DSCAM: variants seen among roughly 807,000 people sequenced by gnomAD.
The protein encoded by DSCAM is DS cell adhesion molecule.
In DSCAM, 47 loss-of-function variants were observed where a neutral mutation model predicts 217.7. That is an observed-to-expected ratio of 0.22 (90% CI 0.17 to 0.28). The LOEUF (loss-of-function observed/expected upper bound fraction) is 0.28, where lower values mean the gene tolerates loss of function less well. Among genes scored for constraint, DSCAM ranks in the 10% least tolerant of loss-of-function variants. The probability of loss-of-function intolerance (pLI) is 1.00; values close to 1 mark genes in which losing one functional copy is unlikely to be tolerated. For synonymous variants in DSCAM, 1,056 were observed against 1,015.3 expected (o/e 1.04, Z -0.76); for missense variants, 2,080 against 2,618.3 (o/e 0.79, Z 4.49).
chr21:40,344,898 T>A (rs944849221), intron 6 of DSCAM, among the ~76,000 whole-genome samples: 6 of 152,206 alleles, frequency 3.9e-5, no homozygotes, highest in African/African-American at 1.4e-4. Flanking sequence ...TCTAGTCATA[T>A]GTGTGTGTCA....
chr21:40,791,687 T>C (rs1051329997), intron 1 of DSCAM, among the ~76,000 whole-genome samples: 5 of 152,024 alleles, frequency 3.3e-5, no homozygotes, highest in African/African-American at 7.2e-5. Context: ...TTTTAAAAGA[T>C]GTCATTATAG....
intron 3 of DSCAM, among the ~76,000 whole-genome samples, chr21:40,573,990 C>G (rs1014906708): frequency 1.4e-5 from 2 of 141,426 alleles, no homozygotes; most frequent in African/African-American, 2.9e-5. Flanking sequence ...TAATCAGAAG[C>G]CTTCCCATAA....
At chr21:40,471,282 C>T (rs2075886197) in intron 3 of DSCAM, among the ~76,000 whole-genome samples, 1 of 152,146 alleles carries the variant, frequency 6.6e-6, no homozygotes. Flanking sequence ...TCTAAGAAAC[C>T]ACATTAGGGA....
chr21:40,477,527 T>G (rs945879662), intron 3 of DSCAM, among the ~76,000 whole-genome samples: 4 of 152,210 alleles, frequency 2.6e-5, no homozygotes, highest in African/African-American at 9.6e-5. Context: ...TTCCACCATA[T>G]GTACTTACAT....
At chr21:40,322,819 C>T (rs1246994048) in intron 8 of DSCAM, among the ~76,000 whole-genome samples, 1 of 152,170 alleles carries the variant, frequency 6.6e-6, no homozygotes, top group Non-Finnish European at 1.5e-5. Context: ...GCCACCACGC[C>T]CGGCCAGTGG....
chr21:40,181,830 C>T (rs181977136), intron 14 of DSCAM, among the ~76,000 whole-genome samples: 15 of 151,936 alleles, frequency 9.9e-5, no homozygotes. Flanking sequence ...ACTGAGAGGG[C>T]TGTATAGGCT....
intron 16 of DSCAM, among the ~76,000 whole-genome samples, chr21:40,154,691 C>G (rs2090458635): frequency 6.6e-6 from 1 of 152,172 alleles, no homozygotes; most frequent in Non-Finnish European, 1.5e-5. Flanking sequence ...TTTTGAGGAG[C>G]TAGGAAAGGA....
At chr21:40,726,979 C>T (rs2090962412) in intron 1 of DSCAM, among the ~76,000 whole-genome samples, 1 of 152,180 alleles carries the variant, frequency 6.6e-6, no homozygotes, top group Admixed American at 6.5e-5. Context: ...AGCAAAAAGA[C>T]CCTCACCAAA....
At chr21:40,701,687 GAC>G (rs2090658246) in intron 2 of DSCAM, among the ~76,000 whole-genome samples, 1 of 144,002 alleles carries the variant, frequency 6.9e-6, no homozygotes, top group East Asian at 2.0e-4. Context: ...TTTTTTTTTT[GAC>G]ACAGATCATT....
At chr21:40,723,778 T>C (rs1036580620) in intron 1 of DSCAM, among the ~76,000 whole-genome samples, 6 of 152,140 alleles carry the variant, frequency 3.9e-5, no homozygotes, top group African/African-American at 1.2e-4. Context: ...CAAGGATGAG[T>C]GGCTGACAAA....
At chr21:40,503,996 A>G (rs1048732452) in intron 3 of DSCAM, among the ~76,000 whole-genome samples, 3 of 152,174 alleles carry the variant, frequency 2.0e-5, no homozygotes, top group Non-Finnish European at 2.9e-5. Context: ...GAAAGATGCT[A>G]TTGGATATTT....
chr21:40,324,803 A>G (rs905822249), intron 8 of DSCAM, among the ~76,000 whole-genome samples: 5 of 152,316 alleles, frequency 3.3e-5, no homozygotes, highest in East Asian at 1.9e-4. Context: ...TGAATCATCA[A>G]GGCATCAAGA....
intron 10 of DSCAM, among the ~76,000 whole-genome samples, chr21:40,281,556 T>C (rs1311919884): frequency 1.3e-5 from 2 of 152,206 alleles, no homozygotes; most frequent in African/African-American, 4.8e-5. Flanking sequence ...TCTTAAAATA[T>C]ATTACCATAT....
chr21:40,725,939 A>T (rs1209188641), intron 1 of DSCAM, among the ~76,000 whole-genome samples: 1 of 152,238 alleles, frequency 6.6e-6, no homozygotes, highest in African/African-American at 2.4e-5. Flanking sequence ...AAAAGCAATT[A>T]AAAAATGAAT....
chr21:40,179,145 TC>T (rs780409137), intron 14 of DSCAM, 51 bp from the exon 15 acceptor site: 84 of 1,356,382 alleles, frequency 6.2e-5, no homozygotes, highest in Admixed American at 1.2e-4. Context: ...TGAGTTTTTT[TC>T]CTCTGCCTTT....
intron 20 of DSCAM, among the ~76,000 whole-genome samples, chr21:40,100,343 A>G (rs2089734374): frequency 6.6e-6 from 1 of 152,214 alleles, no homozygotes; most frequent in Non-Finnish European, 1.5e-5. Flanking sequence ...GCTTGTTCTG[A>G]AAAGAAGGGA....
intron 3 of DSCAM, among the ~76,000 whole-genome samples, chr21:40,391,286 C>T (rs924765335): frequency 1.9e-4 from 29 of 152,154 alleles, no homozygotes; most frequent in African/African-American, 5.8e-4. Context: ...GCCAATTTTA[C>T]GCTTAAAAAT....
chr21:40,606,154 ATACTC>A (rs2089235429), intron 3 of DSCAM, among the ~76,000 whole-genome samples: 1 of 152,138 alleles, frequency 6.6e-6, no homozygotes, highest in Non-Finnish European at 1.5e-5. Flanking sequence ...CTTTAAACAA[ATACTC>A]TACTTTAGAT....
chr21:40,462,394 G>A (rs971696312), intron 3 of DSCAM, among the ~76,000 whole-genome samples: 1 of 152,204 alleles, frequency 6.6e-6, no homozygotes, highest in Non-Finnish European at 1.5e-5. Context: ...GGTTTGACAA[G>A]TCCTCCAAGT....
Sources: gnomAD v4.1 joint callset for allele counts (sites outside exome capture counted in the v4.1 genomes callset) on GRCh38, gnomAD v4.1.1 for gene constraint, MANE v1.5 for transcripts, NCBI Gene and HGNC (gene_info 2026-07-23, HGNC 2026-07-21) for gene names.